TSHZ2: variants seen among roughly 807,000 people sequenced by gnomAD.
TSHZ2 encodes the protein teashirt homolog 2.
Under a neutral mutation model 74.4 loss-of-function variants are expected in TSHZ2, and 21 were observed. The ratio of observed to expected loss-of-function variants is 0.28; its 90% confidence interval spans 0.20 to 0.41. The LOEUF (loss-of-function observed/expected upper bound fraction) is 0.41. TSHZ2 is among the 10% of genes least tolerant of loss of function. The pLI is 1.00. For missense variants in TSHZ2, 1,244 were observed against 1,293.5 expected (o/e 0.96, Z 0.59); for synonymous variants, 540 against 515.3 (o/e 1.05, Z -0.65).
At chr20:53,076,908 A>G (rs1985381050) in intron 1 of TSHZ2, among the ~76,000 whole-genome samples, 1 of 152,194 alleles carries the variant, frequency 6.6e-6, no homozygotes, top group Non-Finnish European at 1.5e-5. Flanking sequence ...AGAGTTATAA[A>G]CAAGACCCTG....
At chr20:53,342,298 CTTTTTT>C (rs150260645) in intron 2 of TSHZ2, among the ~76,000 whole-genome samples, 50 of 115,352 alleles carry the variant, frequency 4.3e-4, no homozygotes, top group African/African-American at 1.7e-3. Flanking sequence ...TCTTCTCAGG[CTTTTTT>C]TTTTTTTTTT....
intron 1 of TSHZ2, chr20:53,196,394 G>GAAAAAAA: frequency 8.6e-6 from 1 of 116,784 alleles, no homozygotes; most frequent in South Asian, 3.3e-4. Context: ...AAAAAAAAAT[G>GAAAAAAA]TGCTTTCAAC....
chr20:52,976,619 T>C (rs1981349619), intron 1 of TSHZ2, among the ~76,000 whole-genome samples: 1 of 152,244 alleles, frequency 6.6e-6, no homozygotes, highest in Non-Finnish European at 1.5e-5. Flanking sequence ...AAATTTAAAA[T>C]TGTAGACTTA....
intron 1 of TSHZ2, among the ~76,000 whole-genome samples, chr20:53,189,343 G>T (rs1988675658): frequency 6.6e-6 from 1 of 152,106 alleles, no homozygotes; most frequent in Non-Finnish European, 1.5e-5. Context: ...TGAACTCCAG[G>T]GCACACATTT....
chr20:53,335,620 A>G (rs1416713128), intron 2 of TSHZ2, among the ~76,000 whole-genome samples: 1 of 152,218 alleles, frequency 6.6e-6, no homozygotes, highest in Admixed American at 6.5e-5. Context: ...TTCGTTTGCA[A>G]GTGTGACAAG....
chr20:53,033,463 G>A (rs1422083714), intron 1 of TSHZ2, among the ~76,000 whole-genome samples: 5 of 151,872 alleles, frequency 3.3e-5, no homozygotes, highest in African/African-American at 1.2e-4. Context: ...AATCACTCTG[G>A]GCCACAGTAT....
intron 2 of TSHZ2, among the ~76,000 whole-genome samples, chr20:53,348,789 C>A (rs1980536995): frequency 6.6e-6 from 1 of 152,138 alleles, no homozygotes; most frequent in African/African-American, 2.4e-5. Flanking sequence ...TTAAGCTATC[C>A]ATAGTAAATA....
intron 1 of TSHZ2, among the ~76,000 whole-genome samples, chr20:53,019,120 T>C (rs1983143288): frequency 6.6e-6 from 1 of 152,226 alleles, no homozygotes; most frequent in African/African-American, 2.4e-5. Context: ...TGTACTCTTT[T>C]CTGGCCACTT....
intron 1 of TSHZ2, among the ~76,000 whole-genome samples, chr20:52,991,489 G>A (rs181654196): frequency 8.7e-4 from 130 of 149,702 alleles, no homozygotes; most frequent in African/African-American, 2.6e-3. Context: ...TGTGTTGTAG[G>A]AGAAGAGAGT....
At chr20:53,394,859 CAAAA>C (rs1005992034) in intron 2 of TSHZ2, among the ~76,000 whole-genome samples, 3,838 of 43,842 alleles carry the variant, frequency 0.088, 161 homozygotes, top group African/African-American at 0.25. Flanking sequence ...CAGAACTCAC[CAAAA>C]AAAAAAAAAA....
intron 1 of TSHZ2, chr20:53,178,537 G>C (rs947820829): frequency 6.6e-6 from 1 of 152,182 alleles, no homozygotes; most frequent in Non-Finnish European, 1.5e-5. Context: ...TTGGGGAGGA[G>C]TGAGTGAGAG....
intron 1 of TSHZ2, among the ~76,000 whole-genome samples, chr20:53,212,472 T>C (rs543715143): frequency 2.0e-5 from 3 of 152,322 alleles, no homozygotes; most frequent in African/African-American, 4.8e-5. Context: ...CAAATGAAGA[T>C]GTGATGGACA....
rs1600791487 is a variant in TSHZ2, at chr20:53,288,606, T to C, written c.*8+32035T>C. 2.0e-5 allele frequency among the ~76,000 whole-genome samples: 3 copies of C among 152,256 alleles called. No individual in the cohort carries two copies. In the South Asian group the frequency reaches 6.2e-4, roughly 32 times the overall value. On this transcript the variant is annotated intron_variant, in intron 2 of 2. Transcript: ENST00000371497. ...TTCATTCAACATATTTTTAGGTGCC[T>C]ACCATTGCCAGACACTGTAGTAGGT... is the stretch of plus-strand genomic sequence containing the variant.
chr20:53,277,123 T>C (rs1053487588), intron 2 of TSHZ2, among the ~76,000 whole-genome samples: 3 of 152,166 alleles, frequency 2.0e-5, no homozygotes, highest in African/African-American at 7.2e-5. Flanking sequence ...GCTCAGTTGC[T>C]TGTACTGTAT....
At chr20:53,070,071 G>A (rs1985123821) in intron 1 of TSHZ2, among the ~76,000 whole-genome samples, 1 of 152,104 alleles carries the variant, frequency 6.6e-6, no homozygotes. Flanking sequence ...TTCTTTTGTT[G>A]AAATTCAGTC....
chr20:53,022,546 T>C (rs939876670), intron 1 of TSHZ2, among the ~76,000 whole-genome samples: 4 of 151,538 alleles, frequency 2.6e-5, no homozygotes, highest in African/African-American at 9.8e-5. Flanking sequence ...AATTGAGTCC[T>C]TGTGAACGGG....
intron 2 of TSHZ2, among the ~76,000 whole-genome samples, chr20:53,346,170 T>C (rs1980430304): frequency 6.6e-6 from 1 of 152,218 alleles, no homozygotes; most frequent in African/African-American, 2.4e-5. Context: ...ATGAAATGCA[T>C]AATTAACATA....
chr20:53,187,122 G>A lies in TSHZ2; in HGVS notation c.41-66377G>A, dbSNP rs569365292. ...TCCAATATAGCATAGATACAGGACA[G>A]TGATAATGATTTGACACTCGCCGCA... On this transcript the variant is annotated intron_variant, in intron 1 of 2. Transcript: ENST00000371497. Among the ~76,000 whole-genome samples, 7 of 152,286 alleles carry A rather than the reference G, an allele frequency of 4.6e-5. No individual in the cohort carries two copies. The South Asian group carries it at 1.4e-3, about 32-fold the overall frequency.
intron 2 of TSHZ2, among the ~76,000 whole-genome samples, chr20:53,257,310 C>T (rs951617733): frequency 2.0e-5 from 3 of 152,166 alleles, no homozygotes; most frequent in African/African-American, 7.2e-5. Context: ...TAGAGCCCAC[C>T]TTTAACAAAG....
Sources: allele counts gnomAD v4.1 joint callset (sites outside exome capture counted in the v4.1 genomes callset), GRCh38; gene constraint gnomAD v4.1.1; transcripts MANE v1.5; gene names NCBI Gene and HGNC (gene_info 2026-07-23, HGNC 2026-07-21).